FASTKD3: variants seen among roughly 807,000 people sequenced by gnomAD.
The protein encoded by FASTKD3 is FAST kinase domains 3, also known as FAST kinase domain-containing protein 3, mitochondrial.
In FASTKD3, 47 loss-of-function variants were observed where a neutral mutation model predicts 49.7. The observed-to-expected ratio is 0.95, with a 90% confidence interval of 0.75 to 1.21. FASTKD3 has a LOEUF of 1.21. Among genes scored for constraint, FASTKD3 ranks in the 50% most tolerant of loss-of-function variants. The pLI is 0.00. For synonymous variants in FASTKD3, 284 were observed against 288.6 expected (o/e 0.98, Z 0.16); for missense variants, 748 against 765.7 (o/e 0.98, Z 0.27).
In FASTKD3 at chr5:7,867,820, G is replaced by A; in HGVS notation, c.264C>T (p.Asp88=). 6.2e-7 allele frequency: 1 copy of A among 1,614,182 alleles called. No individual in the cohort carries two copies. The highest frequency in any genetic ancestry group is 8.5e-7 in the Non-Finnish European group (1 of 1,180,036). The stretch of plus-strand genomic sequence containing the variant: ...CATTTTTAACATTTTGTTCAAGCCT[G>A]TCGCAGTCAGATACTTGAGAGAACA... The part of the protein sequence containing the change: ...GPVFSQVSDC[D]RLEQNVKNEE... Residue 88 remains aspartate, a synonymous_variant, in exon 2 of 7, where the codon GAC becomes GAT. Transcript: ENST00000264669.
Position 7,862,979 on chromosome 5 carries a change from T to C in FASTKD3, c.1543A>G (p.Lys515Glu), listed in dbSNP as rs1746663961. The C allele has an allele frequency of 6.2e-7, 1 of 1,613,766 alleles. No homozygotes were observed. The highest frequency in any genetic ancestry group is 8.5e-7 in the Non-Finnish European group (1 of 1,179,862). Residue 515 changes from lysine (K) to glutamate (E), a missense_variant, in exon 4 of 7, where the codon AAA becomes GAA. Around this residue, in one of 3 missense-constraint regions of FASTKD3, gnomAD observed 178 missense variants for 182.2 expected, o/e 0.98. Coordinates refer to ENST00000264669, the MANE Select transcript of FASTKD3 (RefSeq NM_024091.4). ...PFYKGPKLLP[K>E]YQVKSFLTPC... is the part of the protein sequence containing the mutation. ...GTAAGAAATGACTTCACTTGATATTTAGGAAGGAGTTTTGGACCCTAAAAA... is the reference window on the plus strand; with the variant it reads ...GTAAGAAATGACTTCACTTGATATTCAGGAAGGAGTTTTGGACCCTAAAAA...
chr5:7,859,443 G>T lies in FASTKD3; in HGVS notation c.1981C>A (p.Gln661Lys). The T allele has an allele frequency of 6.3e-7, 1 of 1,588,474 alleles. No homozygotes were observed. The highest frequency in any genetic ancestry group is 8.6e-7 in the Non-Finnish European group (1 of 1,163,452). The change falls in exon 7 of 7, where the codon CAA (glutamine) becomes AAA (lysine). Residue 661 changes from glutamine to lysine, a missense_variant. Transcript: ENST00000264669. ...AGTTCTGAAGTCAGTATTCATTCTT[G>T]CAACCAATGAACAGTGTTTTGAGAA... ...LFSQNTVHWL[Q>K]E
Position 7,867,153 on chromosome 5 carries a change from C to T in FASTKD3, c.931G>A (p.Ala311Thr). 6.2e-7 allele frequency: 1 copy of T among 1,614,118 alleles called. No homozygotes were observed. The highest frequency in any genetic ancestry group is 1.1e-5 in the South Asian group (1 of 91,072). Residue 311 changes from alanine to threonine, a missense_variant, in exon 2 of 7, where the codon GCA becomes ACA. Physicochemically the swap from Ala to Thr is moderately conservative, Grantham distance 58. Around this residue, in one of 3 missense-constraint regions of FASTKD3, gnomAD observed 564 missense variants for 562.8 expected, o/e 1.00. Transcript: ENST00000264669. ...CCCAATTTTATAATCAGAGGAAATG[C>T]TTGACTTTGATCAAGAACCACCAGG... ...TALVVLDQSQ[A>T]FPLIIKLGKY...
At position 7,868,196 on chromosome 5, in the gene FASTKD3, T is replaced by C. The variant is rs1366119412; in HGVS notation, c.-113A>G. On this transcript the variant is annotated splice_region_variant and 5_prime_UTR_variant, in exon 2 of 7. Coordinates refer to ENST00000264669, the MANE Select transcript of FASTKD3 (RefSeq NM_024091.4). ...ATGTTTATGAAACTACAAACGAGTA[T>C]CTGGAAAAAAAAAAAAAAAAAAAAA... The C allele has an allele frequency of 8.9e-5, 25 of 281,494 alleles. No individual in the cohort carries two copies. Among genetic ancestry groups the C allele is most frequent in the Admixed American group, 6.7e-4 (8 of 12,030 alleles). The allele number at this position is 281,494 out of a possible 1,614,324, so 17.4% of individuals were successfully genotyped here. A position where few individuals can be genotyped will look rare whatever the true frequency, so the allele number is the denominator to read the frequency against.
In FASTKD3 at chr5:7,867,392, G is replaced by T; in HGVS notation, c.692C>A (p.Ser231Ter). The T allele has an allele frequency of 3.1e-6, 5 of 1,614,138 alleles. No homozygotes were observed. The highest frequency in any genetic ancestry group is 4.2e-6 in the Non-Finnish European group (5 of 1,180,036). Residue 231 changes from serine to a stop codon, truncating the protein, a stop_gained, in exon 2 of 7, where the codon TCA (serine) becomes TAA (stop). Transcript: ENST00000264669. LOFTEE classifies it high-confidence loss of function. ...LGESLITLHS[S>*]GCVTLELIIN... is the part of the protein sequence containing the mutation. ...AATGAGTTCTAGTGTCACACAACCT[G>T]AACTGTGCAGTGTAATCAGACTTTC...
At chr5:7,861,797 A>G in intron 4 of FASTKD3, 145 bp from the exon 5 acceptor site, 3 of 1,376,126 alleles carry the variant, frequency 2.2e-6, no homozygotes, top group Non-Finnish European at 2.8e-6. Flanking sequence ...ACCACAACCA[A>G]ACAATGGTGA....
chr5:7,866,871 G>T lies in FASTKD3; in HGVS notation c.1213C>A (p.Pro405Thr). 1 of 1,614,066 alleles carries T rather than the reference G, an allele frequency of 6.2e-7. No individual in the cohort carries two copies. Among genetic ancestry groups the T allele is most frequent in the Non-Finnish European group, 8.5e-7 (1 of 1,180,006 alleles). The change falls in exon 2 of 7, where the codon CCT (proline) becomes ACT (threonine). Residue 405 changes from proline (P) to threonine (T), a missense_variant. Around this residue, in one of 3 missense-constraint regions of FASTKD3, gnomAD observed 564 missense variants for 562.8 expected, o/e 1.00. Transcript: ENST00000264669. Reference sequence around the variant, plus strand: ...TCCATTAAGGCAGAAATCTGACGAGGTGAAAATTTTTCTGTTTGGCAAACA... The same window carrying T: ...TCCATTAAGGCAGAAATCTGACGAGTTGAAAATTTTTCTGTTTGGCAAACA... Reference protein sequence around the residue: ...TFVCQTEKFSPRQISALMEPF... With the variant: ...TFVCQTEKFSTRQISALMEPF...
Position 7,859,509 on chromosome 5 carries a change from A to AT in FASTKD3, c.1914dup (p.Ser639IlefsTer4). The AT allele has an allele frequency of 6.2e-7, 1 of 1,606,142 alleles. No homozygotes were observed. The highest frequency in any genetic ancestry group is 8.5e-7 in the Non-Finnish European group (1 of 1,176,116). ...AAATATTCCACCAATTCACGTCTTGATTTTAGCATCCCAATCTCATGATAG... is the reference window on the plus strand; with the variant it reads ...AAATATTCCACCAATTCACGTCTTGATTTTTAGCATCCCAATCTCATGATAG... On this transcript the variant is annotated frameshift_variant, in exon 7 of 7. Coordinates refer to ENST00000264669, the MANE Select transcript of FASTKD3 (RefSeq NM_024091.4). LOFTEE classifies it high-confidence loss of function.
chr5:7,865,780 G>C, intron 3 of FASTKD3, 118 bp downstream of exon 3: 2 of 730,734 alleles, frequency 2.7e-6, no homozygotes, highest in Non-Finnish European at 4.7e-6. Flanking sequence ...GGTGGCAACT[G>C]ACTCCAAGTA....
chr5:7,861,572 T>C lies in FASTKD3; in HGVS notation c.1769+11A>G, dbSNP rs1161273901. 1.3e-6 allele frequency: 2 copies of C among 1,557,460 alleles called. No individual in the cohort carries two copies. The highest frequency in any genetic ancestry group is 3.7e-5 in the Admixed American group (2 of 54,484). On this transcript the variant is annotated intron_variant, in intron 5 of 6. Transcript: ENST00000264669. ...GTCTTGTAATGTGAAAAACACAACA[T>C]TTTCCTGTACCTTTTATGGATATCT...
Position 7,867,776 on chromosome 5 carries a change from T to TA in FASTKD3, c.307dup (p.Tyr103LeufsTer25). The stretch of plus-strand genomic sequence containing the variant: ...TGAAGTCAAGTTGCTCAGTCTCCTG[T>TA]AAAACATCTGACTCTCCTCATTTTT... On this transcript the variant is annotated frameshift_variant, in exon 2 of 7. Coordinates refer to ENST00000264669, the MANE Select transcript of FASTKD3 (RefSeq NM_024091.4). LOFTEE classifies it high-confidence loss of function. The TA allele has an allele frequency of 1.9e-6, 3 of 1,614,216 alleles. No homozygotes were observed. The South Asian group carries it at 3.3e-5, about 18-fold the overall frequency.
rs756197021 is a variant in FASTKD3, at chr5:7,866,704, G to T, written c.1380C>A (p.Cys460Ter). ...KLLHSCSLNECHPVNFLAKIF... is the reference protein window; with the variant it reads ...KLLHSCSLNE ...TTTTTGCCAGAAAGTTGACTGGATG[G>T]CATTCATTAAGTGAACATGAATGAA... The change falls in exon 2 of 7, where the codon TGC becomes TGA. Residue 460 changes from cysteine to a stop codon, truncating the protein, a stop_gained. Transcript: ENST00000264669. LOFTEE classifies it high-confidence loss of function. The T allele has an allele frequency of 6.2e-7, 1 of 1,610,154 alleles. No homozygotes were observed. Among genetic ancestry groups the T allele is most frequent in the Non-Finnish European group, 8.5e-7 (1 of 1,178,422 alleles).
chr5:7,861,831 T>C, intron 4 of FASTKD3, 179 bp from the exon 5 acceptor site: 4 of 1,295,164 alleles, frequency 3.1e-6, no homozygotes, highest in South Asian at 2.1e-5. Context: ...ATTGGCTTTA[T>C]GATCAATCAA....
At chr5:7,863,287 T>C (rs1746685432) in intron 3 of FASTKD3, 2 of 349,990 alleles carry the variant, frequency 5.7e-6, no homozygotes, top group Admixed American at 9.7e-5. Context: ...GAGGAGAGAG[T>C]GAGAAGAAAC....
rs1432916614 is a variant in FASTKD3, at chr5:7,867,460, G to A, written c.624C>T (p.Leu208=). The A allele has an allele frequency of 1.2e-5, 20 of 1,614,186 alleles. No individual in the cohort carries two copies. Among genetic ancestry groups the A allele is most frequent in the Non-Finnish European group, 1.6e-5 (19 of 1,180,042 alleles). The change falls in exon 2 of 7, where the codon CTC becomes CTT. Residue 208 remains leucine, a synonymous_variant. Transcript: ENST00000264669. ...TGCGAACTTCCATGCCACCTTTTCT[G>A]AGACGATTTTGGCATTCTGCCACCA... ...LNLVAECQNR[L]RKGGMEVRNL...
chr5:7,859,305 T>C lies in FASTKD3; in HGVS notation c.*130A>G, dbSNP rs570283824. 2.2e-4 allele frequency: 112 copies of C among 509,450 alleles called. No homozygotes were observed. Among genetic ancestry groups the C allele is most frequent in the African/African-American group, 2.0e-3 (101 of 50,902 alleles). 31.6% of individuals were successfully genotyped at this position (509,450 alleles called of 1,614,324 possible). A position where few individuals can be genotyped will look rare whatever the true frequency, so the allele number is the denominator to read the frequency against. On this transcript the variant is annotated 3_prime_UTR_variant, in exon 7 of 7. Coordinates refer to ENST00000264669, the MANE Select transcript of FASTKD3 (RefSeq NM_024091.4). ...AATGTATACATAGTATAAGGAAAAC[T>C]ACAGATGCTTTCAGATCACCAGTCT...
chr5:7,865,421 G>A (rs1746873566), intron 3 of FASTKD3, among the ~76,000 whole-genome samples: 1 of 152,126 alleles, frequency 6.6e-6, no homozygotes, highest in Admixed American at 6.5e-5. Flanking sequence ...TAGGTAATAG[G>A]ATAAATCTTT....
Position 7,867,689 on chromosome 5 carries a change from C to T in FASTKD3, c.395G>A (p.Gly132Glu). The T allele has an allele frequency of 1.2e-6, 2 of 1,614,204 alleles. No individual in the cohort carries two copies. Among genetic ancestry groups the T allele is most frequent in the Non-Finnish European group, 1.7e-6 (2 of 1,180,038 alleles). Residue 132 changes from glycine to glutamate, a missense_variant, in exon 2 of 7, where the codon GGA becomes GAA. This residue lies in a region of FASTKD3 where 564 missense variants were observed against 562.8 expected (regional missense o/e 1.00). Coordinates refer to ENST00000264669, the MANE Select transcript of FASTKD3 (RefSeq NM_024091.4). ...METLPDTMAA[G>E]ALQRICEVEK... is the part of the protein sequence containing the mutation. ...CACTTCACAAATTCGTTGTAAAGCT[C>T]CTGCTGCCATAGTGTCAGGCAGGGT...
chr5:7,859,696 C>T (rs1746391275), intron 6 of FASTKD3, among the ~76,000 whole-genome samples, 157 bp from the exon 7 acceptor site: 2 of 152,182 alleles, frequency 1.3e-5, no homozygotes, highest in African/African-American at 2.4e-5. Context: ...CCTGTATCCC[C>T]AATGTCTAGA....
Sources: allele counts gnomAD v4.1 joint callset (sites outside exome capture counted in the v4.1 genomes callset), GRCh38; gene constraint gnomAD v4.1.1; regional missense constraint gnomAD v4.1.1; transcripts MANE v1.5; gene names NCBI Gene and HGNC (gene_info 2026-07-23, HGNC 2026-07-21).